VAV3: variants seen among roughly 807,000 people sequenced by gnomAD.
VAV3 encodes the protein guanine nucleotide exchange factor VAV3.
VAV3 carries 94 observed loss-of-function variants against 131.2 expected under a neutral mutation model. The observed-to-expected ratio is 0.72, with a 90% CI of 0.61 to 0.85. The LOEUF is 0.85. Ranked by LOEUF, VAV3 falls within the 40% of genes least tolerant of loss-of-function variation. The pLI, the probability that VAV3 is intolerant of heterozygous loss-of-function variation, is 0.00. For synonymous variants in VAV3, 349 were observed against 342.0 expected (o/e 1.02, Z -0.22); for missense variants, 939 against 1,002.7 (o/e 0.94, Z 0.86).
intron 1 of VAV3, among the ~76,000 whole-genome samples, chr1:107,942,306 C>T (rs9435454): frequency 0.61 from 92,158 of 152,060 alleles, 29,803 homozygotes; most frequent in Middle Eastern, 0.76. Flanking sequence ...GATCCCACAG[C>T]GAGAAGACAG....
At chr1:107,868,695 C>T (rs558361148) in intron 2 of VAV3, among the ~76,000 whole-genome samples, 11 of 152,116 alleles carry the variant, frequency 7.2e-5, no homozygotes, top group South Asian at 6.2e-4. Context: ...CTTGCATATA[C>T]GATAGGAGAT....
intron 1 of VAV3, among the ~76,000 whole-genome samples, chr1:107,910,815 A>T (rs140257222): frequency 0.018 from 2,670 of 152,166 alleles, 39 homozygotes; most frequent in Admixed American, 0.03. Flanking sequence ...CCCCATCTCT[A>T]CTAAAAATAC....
At chr1:107,726,462 A>G (rs532070103) in intron 15 of VAV3, among the ~76,000 whole-genome samples, 198 of 152,318 alleles carry the variant, frequency 1.3e-3, no homozygotes, top group Admixed American at 2.2e-3. Flanking sequence ...ATGTCTCAGA[A>G]CCATCTTTGA....
chr1:107,759,258 AAAC>A (rs1273635678), intron 10 of VAV3, among the ~76,000 whole-genome samples: 3 of 152,218 alleles, frequency 2.0e-5, no homozygotes, highest in Non-Finnish European at 4.4e-5. Flanking sequence ...TTTCTGCTAT[AAAC>A]AAGAACTTAA....
chr1:107,654,345 T>A (rs1656386277), intron 19 of VAV3, among the ~76,000 whole-genome samples: 1 of 152,056 alleles, frequency 6.6e-6, no homozygotes, highest in Non-Finnish European at 1.5e-5. Context: ...TTTCAGAGAT[T>A]TAGTCTCAAA....
At chr1:107,816,629 G>A (rs141301497) in intron 2 of VAV3, among the ~76,000 whole-genome samples, 23 of 152,226 alleles carry the variant, frequency 1.5e-4, no homozygotes, top group African/African-American at 5.3e-4. Context: ...CTTGTCTCTT[G>A]ACTCATTTAT....
chr1:107,721,394 G>T (rs1661489994), intron 15 of VAV3, among the ~76,000 whole-genome samples: 1 of 152,130 alleles, frequency 6.6e-6, no homozygotes, highest in Non-Finnish European at 1.5e-5. Context: ...CAAGGTCTAG[G>T]ACTTCTGAGA....
At chr1:107,720,007 A>T (rs920477127) in intron 15 of VAV3, among the ~76,000 whole-genome samples, 4 of 152,160 alleles carry the variant, frequency 2.6e-5, no homozygotes, top group Non-Finnish European at 5.9e-5. Context: ...GGAATGGAAC[A>T]ATGAGAACAC....
chr1:107,790,047 C>T lies in VAV3; in HGVS notation c.322-10555G>A, dbSNP rs76894643. Among the ~76,000 whole-genome samples, 3 of 152,132 alleles carry T rather than the reference C, an allele frequency of 2.0e-5. 1 individual carries two copies. The highest frequency in any genetic ancestry group is 1.3e-4 in the Admixed American group (2 of 15,266). ...CACACTGGCTAGAAGACTCCACAGACGCAGGTGGTAGCATAGCGTGACATG... is the reference window on the plus strand; with the variant it reads ...CACACTGGCTAGAAGACTCCACAGATGCAGGTGGTAGCATAGCGTGACATG... On this transcript the variant is annotated intron_variant, in intron 2 of 26. Transcript: ENST00000370056.
chr1:107,786,732 TG>T (rs1666028360), intron 2 of VAV3, among the ~76,000 whole-genome samples: 1 of 152,200 alleles, frequency 6.6e-6, no homozygotes, highest in Non-Finnish European at 1.5e-5. Context: ...GTACACAGGA[TG>T]GGCTCAGAGA....
chr1:107,934,912 G>A (rs964820991), intron 1 of VAV3, among the ~76,000 whole-genome samples: 6 of 152,210 alleles, frequency 3.9e-5, no homozygotes, highest in East Asian at 1.9e-4. Flanking sequence ...ATTCTTGCAC[G>A]ACCAGGCTAT....
At chr1:107,957,346 A>C (rs1184045462) in intron 1 of VAV3, among the ~76,000 whole-genome samples, 2 of 152,142 alleles carry the variant, frequency 1.3e-5, no homozygotes. Context: ...GAATGACTTC[A>C]GTACCAGTCC....
chr1:107,676,344 T>C (rs1210832886), intron 19 of VAV3, among the ~76,000 whole-genome samples: 2 of 152,196 alleles, frequency 1.3e-5, no homozygotes, highest in Admixed American at 1.3e-4. Context: ...CTGCTGGATT[T>C]ACTGAGAGAA....
At chr1:107,896,810 G>A (rs1671603054) in intron 1 of VAV3, among the ~76,000 whole-genome samples, 1 of 152,080 alleles carries the variant, frequency 6.6e-6, no homozygotes, top group Non-Finnish European at 1.5e-5. Flanking sequence ...AACTGTTTTT[G>A]TTATGTATTA....
chr1:107,918,258 G>A (rs1430009226), intron 1 of VAV3, among the ~76,000 whole-genome samples: 1 of 152,106 alleles, frequency 6.6e-6, no homozygotes, highest in Non-Finnish European at 1.5e-5. Context: ...TACAGAATGA[G>A]ATGAAAAACC....
intron 4 of VAV3, among the ~76,000 whole-genome samples, chr1:107,773,952 C>T (rs1665193221): frequency 6.6e-6 from 1 of 152,170 alleles, no homozygotes; most frequent in African/African-American, 2.4e-5. Flanking sequence ...CTTGTCATCC[C>T]TAACATCACC....
At chr1:107,756,041 C>A (rs1169183540) in intron 11 of VAV3, among the ~76,000 whole-genome samples, 7 of 152,044 alleles carry the variant, frequency 4.6e-5, no homozygotes, top group Non-Finnish European at 1.0e-4. Flanking sequence ...AGAGTTAACC[C>A]GTTTATGGAT....
intron 15 of VAV3, among the ~76,000 whole-genome samples, chr1:107,718,547 A>G (rs1240971798): frequency 1.3e-5 from 2 of 152,244 alleles, no homozygotes; most frequent in East Asian, 3.9e-4. Context: ...ACTGCTCAAC[A>G]AAATCAAAGA....
chr1:107,897,080 A>C (rs550248504), intron 1 of VAV3: 1 of 152,254 alleles, frequency 6.6e-6, no homozygotes, highest in East Asian at 2.0e-4. Context: ...GAGCCGGAGC[A>C]GCACTGACAC....
Sources: gnomAD v4.1 joint callset for allele counts (sites outside exome capture counted in the v4.1 genomes callset) on GRCh38, gnomAD v4.1.1 for gene constraint, MANE v1.5 for transcripts, NCBI Gene and HGNC (gene_info 2026-07-23, HGNC 2026-07-21) for gene names.